The following FMN2 variants were observed in gnomAD, a reference collection of about 807,000 sequenced individuals.
FMN2 encodes the protein formin-2.
Under a neutral mutation model 142.3 loss-of-function variants are expected in FMN2, and 51 were observed. The ratio of observed to expected loss-of-function variants is 0.36; its 90% CI spans 0.29 to 0.45. The LOEUF is 0.45. Ranked by LOEUF, FMN2 falls within the 20% of genes least tolerant of loss-of-function variation. The probability of loss-of-function intolerance (pLI) is 1.00; values close to 1 mark genes in which losing one functional copy is unlikely to be tolerated. For missense variants in FMN2, 1,936 were observed against 2,122.8 expected, an observed-to-expected ratio of 0.91 and a Z score of 1.73; for synonymous variants, 882 against 869.8, an observed-to-expected ratio of 1.01 and a Z score of -0.25.
At chr1:240,375,038 T>C (rs906789141) in intron 14 of FMN2, among the ~76,000 whole-genome samples, 5 of 152,188 alleles carry the variant, frequency 3.3e-5, no homozygotes, top group African/African-American at 9.7e-5. Flanking sequence ...ATTTCGACAC[T>C]GTTGTGTCTC....
chr1:240,381,919 A>G lies in FMN2; in HGVS notation c.4859-10592A>G, dbSNP rs889143180. Among the ~76,000 whole-genome samples, 16 of 152,224 alleles carry G rather than the reference A, an allele frequency of 1.1e-4. 1 individual carries two copies. Among genetic ancestry groups the G allele is most frequent in the Admixed American group, 9.8e-4 (15 of 15,282 alleles). On this transcript the variant is annotated intron_variant, in intron 14 of 17. Coordinates refer to ENST00000319653, the MANE Select transcript of FMN2 (RefSeq NM_020066.5). ...TTTCCCTGAGAACTGGAACAAGACA[A>G]GGATGTCTACTCTCACCACTCCTAA...
chr1:240,310,057 T>C (rs554638807), intron 8 of FMN2, among the ~76,000 whole-genome samples: 1 of 152,346 alleles, frequency 6.6e-6, no homozygotes, highest in East Asian at 1.9e-4. Context: ...ACACAGTGTT[T>C]GAAAGATAGC....
chr1:240,207,338 A>G lies in FMN2; in HGVS notation c.2526A>G (p.Glu842=). ...CTACCGAGTTTCAAACCAGCCACGA[A>G]CACTCTGTTTCCTCTGCCTTTAAAA... ...SISTEFQTSH[E]HSVSSAFKNS... Residue 842 remains glutamate, a synonymous_variant, in exon 5 of 18, where the codon GAA becomes GAG. Coordinates refer to ENST00000319653, the MANE Select transcript of FMN2 (RefSeq NM_020066.5). 2 of 1,613,744 alleles carry G rather than the reference A, an allele frequency of 1.2e-6. No homozygotes were observed. Among genetic ancestry groups the G allele is most frequent in the Non-Finnish European group, 1.7e-6 (2 of 1,179,828 alleles).
chr1:240,245,973 G>T (rs185699333), intron 6 of FMN2, among the ~76,000 whole-genome samples: 9 of 151,862 alleles, frequency 5.9e-5, no homozygotes, highest in Admixed American at 5.9e-4. Flanking sequence ...GAGGTCAGGG[G>T]ATCGAGACCA....
chr1:240,361,278 G>A (rs1672474067), intron 14 of FMN2, among the ~76,000 whole-genome samples: 1 of 150,894 alleles, frequency 6.6e-6, no homozygotes, highest in East Asian at 2.0e-4. Flanking sequence ...ATGTGATGAG[G>A]CCGAACGTGT....
At chr1:240,127,239 A>T (rs1662550041) in intron 2 of FMN2, among the ~76,000 whole-genome samples, 5 of 151,388 alleles carry the variant, frequency 3.3e-5, no homozygotes, top group Admixed American at 6.6e-5. Context: ...TTTCTAGCTA[A>T]TTTTTGTATT....
intron 8 of FMN2, among the ~76,000 whole-genome samples, chr1:240,301,160 T>A (rs1670184908): frequency 7.6e-6 from 1 of 131,692 alleles, no homozygotes; most frequent in Non-Finnish European, 1.6e-5. Context: ...TTGTTTTAAC[T>A]TTTATTTCTA....
intron 6 of FMN2, among the ~76,000 whole-genome samples, chr1:240,225,126 A>G (rs1216291308): frequency 6.6e-6 from 1 of 152,228 alleles, no homozygotes; most frequent in Non-Finnish European, 1.5e-5. Flanking sequence ...CTATTCTGAC[A>G]CAGGGGCAAT....
rs187794403 is a variant in FMN2 at position 240,323,602 on chromosome 1, C to T, written c.4216-5474C>T. On this transcript the variant is annotated intron_variant, in intron 8 of 17. Transcript: ENST00000319653. ...TTAGTAACAAAGTTGAGATCATCCACGTGAAAGATCTTTCTAATATTCTTT... is the reference window on the plus strand; with the variant it reads ...TTAGTAACAAAGTTGAGATCATCCATGTGAAAGATCTTTCTAATATTCTTT... 1.3e-4 allele frequency among the ~76,000 whole-genome samples: 20 copies of T among 152,324 alleles called. No individual in the cohort carries two copies. The South Asian group carries it at 1.4e-3, about 11-fold the overall frequency.
chr1:240,441,990 TC>T (rs1310111832), intron 16 of FMN2, among the ~76,000 whole-genome samples: 1 of 152,084 alleles, frequency 6.6e-6, no homozygotes, highest in Non-Finnish European at 1.5e-5. Flanking sequence ...CAGTCAAACC[TC>T]AGAAGGGCAA....
chr1:240,382,823 GA>G (rs111595538), intron 14 of FMN2, among the ~76,000 whole-genome samples: 7 of 149,482 alleles, frequency 4.7e-5, no homozygotes, highest in Non-Finnish European at 7.4e-5. Flanking sequence ...TAAATAAAAA[GA>G]AAAAAAAACA....
Position 240,093,704 on chromosome 1 carries a change from G to T in FMN2, c.1595G>T (p.Gly532Val). The T allele has an allele frequency of 7.3e-7, 1 of 1,371,648 alleles. No homozygotes were observed. The highest frequency in any genetic ancestry group is 9.3e-7 in the Non-Finnish European group (1 of 1,069,874). The allele number at this position is 1,371,648 out of a possible 1,614,324, so 85.0% of individuals were successfully genotyped here. The part of the protein sequence containing the change: ...KASGAPAAAD[G>V]FQNVFTGRTL... ...TCTGGGGCCCCCGCGGCTGCGGATG[G>T]CTTCCAGAACGTGTTCACAGGTGAG... is the stretch of plus-strand genomic sequence containing the variant. Residue 532 changes from glycine to valine, a missense_variant, in exon 1 of 18, where the codon GGC becomes GTC. Gly to Val is a moderately radical substitution (Grantham distance 109, BLOSUM62 -3). Around this residue, in one of 8 missense-constraint regions of FMN2, gnomAD observed 751 missense variants for 791.8 expected, o/e 0.95. Coordinates refer to ENST00000319653, the MANE Select transcript of FMN2 (RefSeq NM_020066.5).
chr1:240,330,620 A>G lies in FMN2; in HGVS notation c.4455A>G (p.Pro1485=), dbSNP rs763572067. The G allele has an allele frequency of 1.9e-6, 3 of 1,613,778 alleles. No individual in the cohort carries two copies. Among genetic ancestry groups the G allele is most frequent in the Non-Finnish European group, 2.5e-6 (3 of 1,179,846 alleles). The change falls in exon 11 of 18, where the codon CCA becomes CCG. Residue 1485 remains proline, a synonymous_variant. Coordinates refer to ENST00000319653, the MANE Select transcript of FMN2 (RefSeq NM_020066.5). ...TTTTACAGACATTAAAAAATGGCCC[A>G]GGGGTTATGCAGGTTCTAGGTTTGG... ...QKLCETLKNG[P]GVMQVLGLVL...
chr1:240,336,218 G>A (rs567068928), intron 13 of FMN2, among the ~76,000 whole-genome samples: 4 of 152,108 alleles, frequency 2.6e-5, no homozygotes, highest in South Asian at 2.1e-4. Flanking sequence ...TACTATTTCC[G>A]CATCTGCATT....
At chr1:240,186,614 G>A (rs542633357) in intron 3 of FMN2, among the ~76,000 whole-genome samples, 1 of 152,294 alleles carries the variant, frequency 6.6e-6, no homozygotes, top group Admixed American at 6.5e-5. Flanking sequence ...TGCAGATTTT[G>A]GGAAGAAGAG....
At chr1:240,143,305 A>T in intron 2 of FMN2, 1 of 1,520,584 alleles carries the variant, frequency 6.6e-7, no homozygotes, top group Non-Finnish European at 9.1e-7. Flanking sequence ...GATGAGGGCC[A>T]GTGCTAAAGG....
intron 7 of FMN2, among the ~76,000 whole-genome samples, chr1:240,273,458 A>G (rs996823552): frequency 2.6e-5 from 4 of 152,164 alleles, no homozygotes; most frequent in Admixed American, 6.5e-5. Context: ...ACTTGCTGAG[A>G]ACTCTCAATG....
rs746692498 is a variant in FMN2, at chr1:240,206,909, C to T, written c.2097C>T (p.Ala699=). ...CTGAACTAGAGAGGCAGTATCCTGC[C>T]CTGGACACAGAGGTGGCCAGTGGTC... The part of the protein sequence containing the change: ...KIAELERQYP[A]LDTEVASGHQ... Residue 699 remains alanine, a synonymous_variant, in exon 5 of 18, where the codon GCC becomes GCT. Transcript: ENST00000319653. 3.7e-6 allele frequency: 6 copies of T among 1,613,994 alleles called. No individual in the cohort carries two copies. In the East Asian group the frequency reaches 1.3e-4, roughly 36 times the overall value.
chr1:240,385,912 A>G (rs867007925), intron 14 of FMN2, among the ~76,000 whole-genome samples: 4 of 152,234 alleles, frequency 2.6e-5, no homozygotes, highest in Non-Finnish European at 5.9e-5. Flanking sequence ...ACAAAGTTGA[A>G]ATAACCCTCA....
Sources: gnomAD v4.1 joint callset for allele counts (sites outside exome capture counted in the v4.1 genomes callset) on GRCh38, gnomAD v4.1.1 for gene constraint, gnomAD v4.1.1 regional missense constraint, MANE v1.5 for transcripts, NCBI Gene and HGNC (gene_info 2026-07-23, HGNC 2026-07-21) for gene names.